The following MACROD2 variants were observed in gnomAD, a reference collection of about 807,000 sequenced individuals.
MACROD2 encodes ADP-ribose glycohydrolase MACROD2.
A neutral mutation model predicts 70.4 loss-of-function variants in MACROD2; 36 were observed. That is an observed-to-expected ratio of 0.51 (90% confidence interval 0.39 to 0.68). The LOEUF is 0.68. Among genes scored for constraint, MACROD2 ranks in the 30% least tolerant of loss-of-function variants. The probability of loss-of-function intolerance (pLI) is 0.00; values close to 1 mark genes in which losing one functional copy is unlikely to be tolerated. For missense variants in MACROD2, 496 were observed against 538.4 expected (o/e 0.92, Z 0.78); for synonymous variants, 172 against 178.8 (o/e 0.96, Z 0.30).
intron 3 of MACROD2, among the ~76,000 whole-genome samples, chr20:14,090,573 A>G (rs1346776041): frequency 7.2e-4 from 1 of 1,382 alleles, no homozygotes; most frequent in African/African-American, 1.1e-3. Context: ...ACTCCGTGTC[A>G]AAAAAAAAAA....
intron 15 of MACROD2, among the ~76,000 whole-genome samples, chr20:16,028,386 T>C (rs1601346879): frequency 7.4e-5 from 1 of 13,438 alleles, no homozygotes; most frequent in African/African-American, 1.4e-4. Flanking sequence ...CTGGTGGACA[T>C]TTTTTTTTTT....
At chr20:15,444,991 C>A (rs2046543882) in intron 7 of MACROD2, among the ~76,000 whole-genome samples, 2 of 152,160 alleles carry the variant, frequency 1.3e-5, no homozygotes, top group Non-Finnish European at 1.5e-5. Context: ...ATAACTACTG[C>A]TGTCATTATT....
At chr20:14,219,591 G>T (rs1601362768) in intron 3 of MACROD2, among the ~76,000 whole-genome samples, 1 of 152,154 alleles carries the variant, frequency 6.6e-6, no homozygotes, top group Non-Finnish European at 1.5e-5. Flanking sequence ...TTTTGGGTTT[G>T]TTGAAGAGCC....
intron 8 of MACROD2, among the ~76,000 whole-genome samples, chr20:15,572,736 C>A (rs1451166780): frequency 1.3e-5 from 2 of 151,996 alleles, no homozygotes; most frequent in Admixed American, 6.6e-5. Context: ...ATGTGAAAAG[C>A]GATTCTGCTA....
At chr20:15,615,246 C>T (rs558787726) in intron 8 of MACROD2, among the ~76,000 whole-genome samples, 1 of 152,230 alleles carries the variant, frequency 6.6e-6, no homozygotes, top group East Asian at 1.9e-4. Context: ...GCATCCCCAA[C>T]CTGAGTGAAT....
chr20:14,468,554 C>T (rs968016353), intron 3 of MACROD2, among the ~76,000 whole-genome samples: 10 of 151,334 alleles, frequency 6.6e-5, no homozygotes, highest in East Asian at 1.9e-4. Flanking sequence ...ACTCTGTCAC[C>T]GAGGCTGGAG....
intron 3 of MACROD2, among the ~76,000 whole-genome samples, chr20:14,116,397 T>C (rs2054513966): frequency 6.6e-6 from 1 of 152,176 alleles, no homozygotes; most frequent in African/African-American, 2.4e-5. Flanking sequence ...ACTCAAAAAG[T>C]GTTTGCGGAA....
chr20:14,645,569 A>G (rs1600494146), intron 4 of MACROD2, among the ~76,000 whole-genome samples: 1 of 152,178 alleles, frequency 6.6e-6, no homozygotes, highest in South Asian at 2.1e-4. Flanking sequence ...AGATCTGTAC[A>G]TACTTTTTAT....
At chr20:15,088,397 T>TTATATATATA (rs71190173) in intron 5 of MACROD2, among the ~76,000 whole-genome samples, 2 of 111,138 alleles carry the variant, frequency 1.8e-5, no homozygotes, top group East Asian at 4.5e-4. Context: ...ATACTATATT[T>TTATATATATA]TATATATATA....
At chr20:14,741,877 A>G (rs1234949024) in intron 5 of MACROD2, among the ~76,000 whole-genome samples, 1 of 152,160 alleles carries the variant, frequency 6.6e-6, no homozygotes, top group Non-Finnish European at 1.5e-5. Flanking sequence ...AACTTTTTTT[A>G]GGCAAGAAAA....
At chr20:14,028,112 CAGAGAGGAGGAATCT>C (rs2053197578) in intron 2 of MACROD2, among the ~76,000 whole-genome samples, 1 of 152,182 alleles carries the variant, frequency 6.6e-6, no homozygotes, top group Non-Finnish European at 1.5e-5. Context: ...ATGCCCTGCC[CAGAGAGGAGGAATCT>C]AGAGAGGCAG....
At chr20:14,819,593 G>A (rs980404788) in intron 5 of MACROD2, among the ~76,000 whole-genome samples, 2 of 152,098 alleles carry the variant, frequency 1.3e-5, no homozygotes, top group Admixed American at 6.5e-5. Flanking sequence ...AGTACATACC[G>A]GGGGATGAGT....
intron 8 of MACROD2, among the ~76,000 whole-genome samples, chr20:15,686,318 G>A (rs1939764204): frequency 6.6e-6 from 1 of 152,176 alleles, no homozygotes; most frequent in African/African-American, 2.4e-5. Context: ...CAGGGTTCAA[G>A]TGGATGTCTC....
intron 3 of MACROD2, among the ~76,000 whole-genome samples, chr20:14,423,503 C>T (rs571471899): frequency 3.6e-4 from 55 of 151,394 alleles, no homozygotes; most frequent in Middle Eastern, 3.4e-3. Flanking sequence ...ATCGAGACCA[C>T]CCTGTCTAAC....
intron 5 of MACROD2, among the ~76,000 whole-genome samples, chr20:15,152,493 T>TCAGGGCAAGGAAA (rs1333724503): frequency 6.9e-6 from 1 of 145,708 alleles, no homozygotes; most frequent in African/African-American, 2.6e-5. Flanking sequence ...AGATAAGAGG[T>TCAGGGCAAGGAAA]TAGGGCATGG....
intron 7 of MACROD2, among the ~76,000 whole-genome samples, chr20:15,439,998 C>T (rs2046475359): frequency 6.6e-6 from 1 of 152,078 alleles, no homozygotes. Context: ...TGCTTTCTGC[C>T]CTTTGAGCCC....
At chr20:14,825,844 C>T (rs1024142190) in intron 5 of MACROD2, among the ~76,000 whole-genome samples, 1 of 152,182 alleles carries the variant, frequency 6.6e-6, no homozygotes. Context: ...AAACAGGGCT[C>T]ATTATGGATT....
At chr20:15,569,165 A>C (rs2048345720) in intron 8 of MACROD2, among the ~76,000 whole-genome samples, 1 of 152,180 alleles carries the variant, frequency 6.6e-6, no homozygotes, top group Non-Finnish European at 1.5e-5. Context: ...GTTGATCAGA[A>C]GTGTAAGTTT....
chr20:15,606,032 C>T (rs929750410), intron 8 of MACROD2, among the ~76,000 whole-genome samples: 2 of 152,146 alleles, frequency 1.3e-5, no homozygotes, highest in African/African-American at 2.4e-5. Context: ...TGTCTCTCCC[C>T]TTCTCTACTT....
Sources: allele counts gnomAD v4.1 joint callset (sites outside exome capture counted in the v4.1 genomes callset), GRCh38; gene constraint gnomAD v4.1.1; transcripts MANE v1.5; gene names NCBI Gene and HGNC (gene_info 2026-07-23, HGNC 2026-07-21).